The following ALKAL1 variants were observed in gnomAD, a reference collection of about 807,000 sequenced individuals.
The protein encoded by ALKAL1 is ALK and LTK ligand 1.
A neutral mutation model predicts 13.5 loss-of-function variants in ALKAL1; 23 were observed. The ratio of observed to expected loss-of-function variants is 1.70; its 90% CI spans 1.23 to 2.41. The LOEUF is 2.41. ALKAL1 is among the 30% of genes most tolerant of loss of function. ALKAL1 has a pLI of 0.00. For missense variants in ALKAL1, 181 were observed against 178.4 expected, an observed-to-expected ratio of 1.01 and a Z score of -0.08; for synonymous variants, 85 against 77.7, an observed-to-expected ratio of 1.09 and a Z score of -0.49.
At chr8:52,541,102 T>C (rs1847307769) in intron 2 of ALKAL1, among the ~76,000 whole-genome samples, 1 of 152,194 alleles carries the variant, frequency 6.6e-6, no homozygotes, top group Non-Finnish European at 1.5e-5. Context: ...AATTGGGACA[T>C]AGGACAATGT....
intron 1 of ALKAL1, among the ~76,000 whole-genome samples, chr8:52,554,283 G>A (rs892616395): frequency 3.3e-5 from 5 of 152,200 alleles, no homozygotes; most frequent in African/African-American, 9.6e-5. Flanking sequence ...ATTTCACACC[G>A]TGATAAGATT....
At chr8:52,546,331 T>A (rs1325217418) in intron 1 of ALKAL1, among the ~76,000 whole-genome samples, 1 of 152,206 alleles carries the variant, frequency 6.6e-6, no homozygotes, top group Non-Finnish European at 1.5e-5. Context: ...AGGGCAGAAC[T>A]GAGTAGTTGT....
At chr8:52,544,532 TGAG>T (rs1563320832) in intron 1 of ALKAL1, among the ~76,000 whole-genome samples, 2 of 152,064 alleles carry the variant, frequency 1.3e-5, no homozygotes, top group African/African-American at 4.8e-5. Context: ...CTGTGGGTGA[TGAG>T]AAGTCAAAAG....
At chr8:52,563,229 C>T (rs549506419) in intron 1 of ALKAL1, among the ~76,000 whole-genome samples, 12 of 152,042 alleles carry the variant, frequency 7.9e-5, no homozygotes, top group African/African-American at 1.7e-4. Context: ...ACCAGCCTAG[C>T]GCAACATGGT....
intron 1 of ALKAL1, among the ~76,000 whole-genome samples, chr8:52,562,175 G>A (rs1414921347): frequency 6.6e-6 from 1 of 152,142 alleles, no homozygotes; most frequent in Non-Finnish European, 1.5e-5. Context: ...AGGAGCGAAG[G>A]TTACTGGGAA....
chr8:52,556,977 T>G (rs1847490701), intron 1 of ALKAL1, among the ~76,000 whole-genome samples: 1 of 152,200 alleles, frequency 6.6e-6, no homozygotes, highest in Non-Finnish European at 1.5e-5. Flanking sequence ...CTGCTTTGTT[T>G]TTAAATCTGT....
intron 2 of ALKAL1, among the ~76,000 whole-genome samples, chr8:52,540,591 C>T (rs2150343907): frequency 6.6e-6 from 1 of 152,260 alleles, no homozygotes; most frequent in South Asian, 2.1e-4. Context: ...ATGAGCCAGG[C>T]ATGGCGGCAC....
At chr8:52,544,400 A>T (rs529060359) in intron 1 of ALKAL1, among the ~76,000 whole-genome samples, 2 of 152,210 alleles carry the variant, frequency 1.3e-5, no homozygotes, top group East Asian at 3.8e-4. Context: ...AATGGGGAAG[A>T]CTGCAGCGTG....
In ALKAL1 at chr8:52,539,886, G is replaced by T; in HGVS notation, c.270C>A (p.Cys90Ter). The change falls in exon 3 of 5, where the codon TGC (cysteine) becomes TGA (stop). Residue 90 changes from cysteine (C) to a stop codon, truncating the protein, a stop_gained. Coordinates refer to ENST00000358543, the MANE Select transcript of ALKAL1 (RefSeq NM_207413.4). LOFTEE classifies it high-confidence loss of function. ...AATAGAGTCGGTGGAAATGTTTGCT[G>T]CATTCTGGTGAAAATGTGACCGGCC... ...FTGPVTFSPE[C>*]SKHFHRLYYN... 1 of 1,613,638 alleles carries T rather than the reference G, an allele frequency of 6.2e-7. No homozygotes were observed. Among genetic ancestry groups the T allele is most frequent in the South Asian group, 1.1e-5 (1 of 91,030 alleles).
intron 1 of ALKAL1, among the ~76,000 whole-genome samples, chr8:52,543,963 C>A (rs1252786381): frequency 6.6e-6 from 1 of 151,760 alleles, no homozygotes; most frequent in Non-Finnish European, 1.5e-5. Flanking sequence ...AGTAAATTAC[C>A]CTCCTCATCT....
chr8:52,542,412 T>C lies in ALKAL1; in HGVS notation c.224A>G (p.Lys75Arg), dbSNP rs760029584. The C allele has an allele frequency of 6.4e-7, 1 of 1,552,108 alleles. No individual in the cohort carries two copies. Among genetic ancestry groups the C allele is most frequent in the Non-Finnish European group, 8.8e-7 (1 of 1,130,906 alleles). ...IFPRDSNLKDKFIKHFTGPVT... is the reference protein window; with the variant it reads ...IFPRDSNLKDRFIKHFTGPVT... ...CTTACCTGTGAAATGCTTTATGAATTTGTCTTTTAAGTTAGAGTCTCTTGG... is the reference window on the plus strand; with the variant it reads ...CTTACCTGTGAAATGCTTTATGAATCTGTCTTTTAAGTTAGAGTCTCTTGG... Residue 75 changes from lysine to arginine, a missense_variant, in exon 2 of 5, where the codon AAA (lysine) becomes AGA (arginine). Physicochemically the swap from Lys to Arg is conservative, Grantham distance 26. Coordinates refer to ENST00000358543, the MANE Select transcript of ALKAL1 (RefSeq NM_207413.4).
In ALKAL1 at chr8:52,534,536, T is replaced by C. The variant is rs1380210297; in HGVS notation, c.*77A>G. On this transcript the variant is annotated 3_prime_UTR_variant, in exon 5 of 5. Coordinates refer to ENST00000358543, the MANE Select transcript of ALKAL1 (RefSeq NM_207413.4). ...TCCATAAAAATATAAATTTCATCTT[T>C]TTTTACATTTTGCATGATTTGAGGC... is the stretch of plus-strand genomic sequence containing the variant. 3.4e-6 allele frequency: 2 copies of C among 591,086 alleles called. No individual in the cohort carries two copies. The highest frequency in any genetic ancestry group is 3.8e-5 in the African/African-American group (2 of 52,304). The allele number at this position is 591,086 out of a possible 1,614,324, so 36.6% of individuals were successfully genotyped here.
chr8:52,535,385 CAAA>C (rs879837990), intron 4 of ALKAL1, among the ~76,000 whole-genome samples: 7 of 116,460 alleles, frequency 6.0e-5, no homozygotes, highest in Non-Finnish European at 7.4e-5. Flanking sequence ...CTGTTGCCAC[CAAA>C]AAAAAAAAAA....
At chr8:52,562,605 G>T (rs1847561745) in intron 1 of ALKAL1, among the ~76,000 whole-genome samples, 1 of 152,126 alleles carries the variant, frequency 6.6e-6, no homozygotes, top group South Asian at 2.1e-4. Context: ...ACCTGGAAAT[G>T]ATCCCCCCAC....
chr8:52,547,065 A>G (rs1365505974), intron 1 of ALKAL1, among the ~76,000 whole-genome samples: 1 of 152,194 alleles, frequency 6.6e-6, no homozygotes, highest in Non-Finnish European at 1.5e-5. Flanking sequence ...CACCCTTTTT[A>G]TTACTTTTAA....
intron 3 of ALKAL1, 34 bp from the exon 4 acceptor site, chr8:52,538,541 G>T (rs1358310174): frequency 2.2e-6 from 3 of 1,376,204 alleles, no homozygotes; most frequent in South Asian, 2.5e-5. Context: ...ATTATATATA[G>T]AGTTACTAGA....
intron 1 of ALKAL1, 98 bp from the exon 2 acceptor site, chr8:52,542,543 A>C: frequency 1.4e-6 from 1 of 739,058 alleles, no homozygotes; most frequent in Non-Finnish European, 2.2e-6. Flanking sequence ...CACTAAACAC[A>C]TGGATTTGTG....
chr8:52,554,447 C>T (rs1171929098), intron 1 of ALKAL1, among the ~76,000 whole-genome samples: 1 of 152,142 alleles, frequency 6.6e-6, no homozygotes, highest in Admixed American at 6.5e-5. Flanking sequence ...GGCTGTTAAT[C>T]CAGCAGTAAA....
chr8:52,541,151 T>C (rs572750844), intron 2 of ALKAL1, among the ~76,000 whole-genome samples: 1 of 152,236 alleles, frequency 6.6e-6, no homozygotes, highest in East Asian at 1.9e-4. Flanking sequence ...AACCAAATAG[T>C]GTCATGGCAC....
Sources: gnomAD v4.1 joint callset for allele counts (sites outside exome capture counted in the v4.1 genomes callset) on GRCh38, gnomAD v4.1.1 for gene constraint, MANE v1.5 for transcripts, NCBI Gene and HGNC (gene_info 2026-07-23, HGNC 2026-07-21) for gene names.